The following DEUP1 variants were observed in gnomAD, a reference collection of about 807,000 sequenced individuals.
The protein encoded by DEUP1 is deuterosome assembly protein 1.
In DEUP1, 82 loss-of-function variants were observed where a neutral mutation model predicts 87.4. The observed-to-expected ratio is 0.94, with a 90% CI of 0.78 to 1.13. The LOEUF is 1.13. DEUP1 is among the 50% of genes most tolerant of loss of function. The pLI, the probability that DEUP1 is intolerant of heterozygous loss-of-function variation, is 0.00. For missense variants in DEUP1, 663 were observed against 681.5 expected, an observed-to-expected ratio of 0.97 and a Z score of 0.30; for synonymous variants, 214 against 222.7, an observed-to-expected ratio of 0.96 and a Z score of 0.35.
chr11:93,380,880 T>C (rs1020913969), intron 7 of DEUP1, among the ~76,000 whole-genome samples: 1 of 152,150 alleles, frequency 6.6e-6, no homozygotes, highest in Admixed American at 6.5e-5. Context: ...AAGAATCACA[T>C]GTATTAAAAA....
chr11:93,356,281 AGTT>A (rs3056186), intron 3 of DEUP1, among the ~76,000 whole-genome samples: 80,115 of 151,714 alleles, frequency 0.53, 21,477 homozygotes, highest in Admixed American at 0.65. Flanking sequence ...AGTGGAACTT[AGTT>A]TTTTGGCATA....
chr11:93,437,459 G>GTC, intron 13 of DEUP1, 84 bp from the exon 14 acceptor site: 1 of 1,011,450 alleles, frequency 9.9e-7, no homozygotes, highest in Non-Finnish European at 1.5e-6. Flanking sequence ...TTGACAGTAT[G>GTC]TCAGGGATGA....
chr11:93,388,456 C>T (rs1344443329), intron 8 of DEUP1, among the ~76,000 whole-genome samples: 1 of 150,194 alleles, frequency 6.7e-6, no homozygotes, highest in African/African-American at 2.4e-5. Context: ...GGGTATTATA[C>T]TCTTTATACT....
intron 2 of DEUP1, among the ~76,000 whole-genome samples, chr11:93,344,422 T>C (rs1944232509): frequency 6.6e-6 from 1 of 152,218 alleles, no homozygotes; most frequent in Admixed American, 6.5e-5. Flanking sequence ...CTTATCAGCC[T>C]TTGAAAACTC....
rs548881044 is a variant in DEUP1 at position 93,342,429 on chromosome 11, CT to C, written c.29+10142del. On this transcript the variant is annotated intron_variant, in intron 2 of 13. Transcript: ENST00000298050. ...TGTCACAGAGGCAGCAAAGAGGACT[CT>C]AGCTGCAAGAGAAGGCACTGAGGCA... Among the ~76,000 whole-genome samples, 90 of 152,316 alleles carry C rather than the reference CT, an allele frequency of 5.9e-4. No homozygotes were observed. In the East Asian group the frequency reaches 0.015, roughly 25 times the overall value.
chr11:93,390,158 G>A (rs983777460), intron 9 of DEUP1, among the ~76,000 whole-genome samples: 9 of 152,210 alleles, frequency 5.9e-5, no homozygotes, highest in African/African-American at 2.2e-4. Flanking sequence ...AAACCTGGGT[G>A]TGGCTTTGAA....
chr11:93,420,052 T>G (rs1189670769), intron 13 of DEUP1, among the ~76,000 whole-genome samples: 1 of 152,120 alleles, frequency 6.6e-6, no homozygotes, highest in Non-Finnish European at 1.5e-5. Context: ...GAATCCTCCC[T>G]AACTCATTTT....
At chr11:93,359,244 C>T (rs141477390) in intron 4 of DEUP1, among the ~76,000 whole-genome samples, 2 of 152,190 alleles carry the variant, frequency 1.3e-5, no homozygotes, top group African/African-American at 4.8e-5. Flanking sequence ...TTTACAATTT[C>T]ATTTTCCTGA....
At chr11:93,379,261 A>T (rs1331073399) in intron 7 of DEUP1, among the ~76,000 whole-genome samples, 1 of 152,178 alleles carries the variant, frequency 6.6e-6, no homozygotes, top group East Asian at 1.9e-4. Flanking sequence ...CTTTGGGGAA[A>T]AAAAGATCCT....
Position 93,370,198 on chromosome 11 carries a change from A to C in DEUP1, c.546+12A>C. 7.8e-7 allele frequency: 1 copy of C among 1,283,146 alleles called. No individual in the cohort carries two copies. The allele number at this position is 1,283,146 out of a possible 1,614,324, so 79.5% of individuals were successfully genotyped here. A position where few individuals can be genotyped will look rare whatever the true frequency, so the allele number is the denominator to read the frequency against. ...GTAATCAGTTTCAGGTAAGTTATCT[A>C]ATACTATTCTCTAAATCAAAAGCAG... On this transcript the variant is annotated intron_variant, in intron 6 of 13. Coordinates refer to ENST00000298050, the MANE Select transcript of DEUP1 (RefSeq NM_181645.4).
At chr11:93,375,034 CTTTT>C (rs60565734) in intron 7 of DEUP1, among the ~76,000 whole-genome samples, 1 of 126,600 alleles carries the variant, frequency 7.9e-6, no homozygotes, top group Non-Finnish European at 1.7e-5. Context: ...TTTTTCTTTT[CTTTT>C]TTTTTTTTTT....
intron 2 of DEUP1, among the ~76,000 whole-genome samples, chr11:93,348,548 G>A (rs1264733703): frequency 6.6e-6 from 1 of 152,178 alleles, no homozygotes; most frequent in Non-Finnish European, 1.5e-5. Flanking sequence ...GTTCTCATTA[G>A]TTTCAAAGAA....
chr11:93,330,468 G>A (rs1035337513), upstream of DEUP1: 16 of 152,828 alleles, frequency 1.0e-4, no homozygotes, highest in Non-Finnish European at 2.0e-4. Flanking sequence ...GCGCTCGCGC[G>A]GGGTGAGGTT....
At position 93,408,077 on chromosome 11, in the gene DEUP1, G is replaced by T. The variant is rs530296735; in HGVS notation, c.1327-154G>T. On this transcript the variant is annotated intron_variant, in intron 11 of 13. Transcript: ENST00000298050. ...TCTGCTTGTTGTGAGGAGGTGAGGG[G>T]GTGGAAAGGAGCATTTAGAAAGTGA... Among the ~76,000 whole-genome samples the T allele has an allele frequency of 9.9e-5, 15 of 152,012 alleles. 1 individual carries two copies. The South Asian group carries it at 2.9e-3, about 30-fold the overall frequency.
intron 4 of DEUP1, among the ~76,000 whole-genome samples, chr11:93,359,252 T>C (rs886763393): frequency 6.6e-6 from 1 of 152,216 alleles, no homozygotes; most frequent in Non-Finnish European, 1.5e-5. Context: ...TTCATTTTCC[T>C]GAAACATCTT....
At chr11:93,418,945 C>T (rs1174873448) in intron 13 of DEUP1, among the ~76,000 whole-genome samples, 1 of 149,836 alleles carries the variant, frequency 6.7e-6, no homozygotes, top group African/African-American at 2.5e-5. Context: ...AAAAACCAAA[C>T]ACTGCATATT....
chr11:93,427,100 T>C (rs1947944827), intron 13 of DEUP1, among the ~76,000 whole-genome samples: 1 of 144,394 alleles, frequency 6.9e-6, no homozygotes, highest in Non-Finnish European at 1.5e-5. Context: ...CCAATGACTT[T>C]CTTCAAAAAA....
chr11:93,396,726 T>G (rs1946957341), intron 11 of DEUP1, among the ~76,000 whole-genome samples: 1 of 152,220 alleles, frequency 6.6e-6, no homozygotes, highest in Admixed American at 6.5e-5. Flanking sequence ...TCTGACTTGT[T>G]TTGTTGCTTG....
Position 93,428,274 on chromosome 11 carries a change from G to T in DEUP1, c.1639-9269G>T, listed in dbSNP as rs556489990. ...GGAATACTATGCAGCCATAAAAAAT[G>T]ATGAGTTCATGTCCTCTGTAGGGAC... On this transcript the variant is annotated intron_variant, in intron 13 of 13. Transcript: ENST00000298050. Among the ~76,000 whole-genome samples, 4 of 152,232 alleles carry T rather than the reference G, an allele frequency of 2.6e-5. No individual in the cohort carries two copies. In the East Asian group the frequency reaches 7.7e-4, roughly 29 times the overall value.
Sources: allele counts gnomAD v4.1 joint callset (sites outside exome capture counted in the v4.1 genomes callset), GRCh38; gene constraint gnomAD v4.1.1; transcripts MANE v1.5; gene names NCBI Gene and HGNC (gene_info 2026-07-23, HGNC 2026-07-21).